The following WASF3 variants were observed in gnomAD, a reference collection of about 807,000 sequenced individuals.
WASF3 encodes actin-binding protein WASF3.
WASF3 carries 11 observed loss-of-function variants against 46.6 expected under a neutral mutation model. The observed-to-expected ratio is 0.24, with a 90% CI of 0.15 to 0.39. The LOEUF (loss-of-function observed/expected upper bound fraction) is 0.39, where lower values mean the gene tolerates loss of function less well. WASF3 is among the 10% of genes least tolerant of loss of function. The pLI is 1.00. For missense variants in WASF3, 576 were observed against 669.8 expected (o/e 0.86, Z 1.55); for synonymous variants, 242 against 259.7 (o/e 0.93, Z 0.65).
upstream of WASF3, among the ~76,000 whole-genome samples, chr13:26,555,630 C>T (rs1879081344): frequency 6.6e-6 from 1 of 152,140 alleles, no homozygotes; most frequent in Non-Finnish European, 1.5e-5. Context: ...TGATGCAATG[C>T]TTACAAGGGA....
At position 26,687,685 on chromosome 13, in the gene WASF3, T is replaced by C. The variant is rs1386815411; in HGVS notation, c.*1840T>C. 1.3e-5 allele frequency: 2 copies of C among 151,820 alleles called. No homozygotes were observed. The highest frequency in any genetic ancestry group is 4.8e-5 in the African/African-American group (2 of 41,346). 9.4% of individuals were successfully genotyped at this position (151,820 alleles called of 1,614,324 possible). ...ATTCCTTGAATATAAGTAACAGTTA[T>C]TAATGAACTTCTAAATTTCTAATTT... On this transcript the variant is annotated 3_prime_UTR_variant, in exon 10 of 10. Coordinates refer to ENST00000335327, the MANE Select transcript of WASF3 (RefSeq NM_006646.6).
intron 2 of WASF3, among the ~76,000 whole-genome samples, chr13:26,632,341 G>A (rs944047133): frequency 8.5e-5 from 13 of 152,228 alleles, no homozygotes; most frequent in East Asian, 1.9e-4. Flanking sequence ...TTTGAGGTAC[G>A]TTTCATCAAT....
chr13:26,555,292 G>T (rs1879073780), upstream of WASF3, among the ~76,000 whole-genome samples: 1 of 152,010 alleles, frequency 6.6e-6, no homozygotes. Context: ...AAAAAAGTGG[G>T]TCTTATGAAT....
At position 26,682,522 on chromosome 13, in the gene WASF3, G is replaced by A; in HGVS notation, c.984-85G>A. The A allele has an allele frequency of 6.5e-7, 1 of 1,529,696 alleles. No individual in the cohort carries two copies. Among genetic ancestry groups the A allele is most frequent in the Non-Finnish European group, 9.0e-7 (1 of 1,117,196 alleles). The allele number at this position is 1,529,696 out of a possible 1,614,324, so 94.8% of individuals were successfully genotyped here. ...GGTGACAATACGTGTTGTGTCTGGG[G>A]ATGGCTCCGTTAGGTGTCTAAGAGC... On this transcript the variant is annotated intron_variant, in intron 8 of 9. Transcript: ENST00000335327. This position sits in a 1 kb window ranked among gnomAD's most constrained non-coding sequence, Gnocchi z 4.4.
intron 1 of WASF3, chr13:26,609,283 A>T (rs1880898411): frequency 6.6e-6 from 1 of 152,198 alleles, no homozygotes; most frequent in Non-Finnish European, 1.5e-5. Flanking sequence ...GCCCTATAGT[A>T]CAGAATGAGG....
At chr13:26,655,980 A>AT (rs1882453814) in intron 3 of WASF3, among the ~76,000 whole-genome samples, 1 of 152,166 alleles carries the variant, frequency 6.6e-6, no homozygotes, top group Non-Finnish European at 1.5e-5. Flanking sequence ...AAGAAGCTTG[A>AT]TTCCTTTTAG....
chr13:26,644,852 C>T (rs920966219), intron 3 of WASF3, among the ~76,000 whole-genome samples: 16 of 152,066 alleles, frequency 1.1e-4, no homozygotes, highest in African/African-American at 3.4e-4. Context: ...AGAACATGAG[C>T]GAGACCGCAA....
intron 3 of WASF3, among the ~76,000 whole-genome samples, chr13:26,644,573 C>T (rs542508692): frequency 1.3e-5 from 2 of 152,262 alleles, no homozygotes; most frequent in South Asian, 2.1e-4. Context: ...TTCCGGTAAG[C>T]ACCAGAGATG....
chr13:26,554,596 A>G (rs118167992), upstream of WASF3, among the ~76,000 whole-genome samples: 50 of 152,326 alleles, frequency 3.3e-4, no homozygotes, highest in Non-Finnish European at 5.7e-4. Flanking sequence ...TCTGTTAACT[A>G]TGGTTCCTAC....
intron 1 of WASF3, among the ~76,000 whole-genome samples, chr13:26,612,114 G>A (rs993204763): frequency 1.3e-5 from 2 of 152,122 alleles, no homozygotes; most frequent in Non-Finnish European, 2.9e-5. Context: ...CGTCTACCTT[G>A]TATTAAAATT....
chr13:26,682,562 C>T lies in WASF3; in HGVS notation c.984-45C>T, dbSNP rs777023404. Reference sequence around the variant, plus strand: ...TGTCTAAGAGCTCCCAGGACGTGACCCTCTCTTGTTCCCTTGGTGACTATG... The same window carrying T: ...TGTCTAAGAGCTCCCAGGACGTGACTCTCTCTTGTTCCCTTGGTGACTATG... On this transcript the variant is annotated intron_variant, in intron 8 of 9. Transcript: ENST00000335327. This position sits in a 1 kb window ranked among gnomAD's most constrained non-coding sequence, Gnocchi z 4.4. 1.2e-6 allele frequency: 2 copies of T among 1,611,906 alleles called. No homozygotes were observed. Among genetic ancestry groups the T allele is most frequent in the Non-Finnish European group, 1.7e-6 (2 of 1,179,378 alleles).
At position 26,682,814 on chromosome 13, in the gene WASF3, C is replaced by CCCGGGCCCACCACCTCCCCCG. The variant is rs1566075405; in HGVS notation, c.1194_1214dup (p.Pro402_Pro408dup). The CCCGGGCCCACCACCTCCCCCG allele has an allele frequency of 6.2e-7, 1 of 1,610,600 alleles. No individual in the cohort carries two copies. The highest frequency in any genetic ancestry group is 2.2e-5 in the East Asian group (1 of 44,854). On this transcript the variant is annotated inframe_insertion, in exon 9 of 10. Transcript: ENST00000335327. This position sits in a 1 kb window ranked among gnomAD's most constrained non-coding sequence, Gnocchi z 4.4. ...GGCTCCTGGTCACAGCCCCGCCACC[C>CCCGGGCCCACCACCTCCCCCG]CCGGGCCCACCACCTCCCCCGCCAG...
intron 2 of WASF3, among the ~76,000 whole-genome samples, chr13:26,633,295 C>T (rs1356185770): frequency 6.1e-5 from 9 of 148,400 alleles, no homozygotes; most frequent in South Asian, 2.2e-4. Flanking sequence ...CTCTGCCTCC[C>T]GGGTTCAAGC....
intron 3 of WASF3, among the ~76,000 whole-genome samples, chr13:26,648,762 G>T (rs1309294659): frequency 6.6e-6 from 1 of 152,154 alleles, no homozygotes; most frequent in Non-Finnish European, 1.5e-5. Flanking sequence ...GCCAGTGCAG[G>T]TAGGTAAAAA....
chr13:26,610,933 G>A (rs1024425940), intron 1 of WASF3, among the ~76,000 whole-genome samples: 2 of 151,492 alleles, frequency 1.3e-5, no homozygotes, highest in African/African-American at 4.8e-5. Context: ...TATGGTTCTT[G>A]ACTTATGTTA....
chr13:26,547,615 C>T, the WASF3 span, among the ~76,000 whole-genome samples: 11 of 152,154 alleles, frequency 7.2e-5, no homozygotes, highest in African/African-American at 2.2e-4. Context: ...CTTGAGAAGA[C>T]TTCTTCAATC....
At chr13:26,661,871 A>C (rs777863039) in intron 3 of WASF3, among the ~76,000 whole-genome samples, 18 of 152,218 alleles carry the variant, frequency 1.2e-4, no homozygotes, top group Non-Finnish European at 1.9e-4. Context: ...AAATGATTGA[A>C]ATCATGGCAG....
chr13:26,634,409 C>T (rs1232070243), intron 2 of WASF3, among the ~76,000 whole-genome samples: 1 of 152,178 alleles, frequency 6.6e-6, no homozygotes, highest in Non-Finnish European at 1.5e-5. Flanking sequence ...CTCCTGAATA[C>T]AGCACACTGA....
intron 3 of WASF3, among the ~76,000 whole-genome samples, chr13:26,660,740 T>A (rs1201483190): frequency 2.6e-5 from 4 of 152,138 alleles, no homozygotes; most frequent in Admixed American, 6.5e-5. Context: ...AACATTAAAT[T>A]TACCTTAACA....
Sources: gnomAD v4.1 joint callset for allele counts (sites outside exome capture counted in the v4.1 genomes callset) on GRCh38, gnomAD v4.1.1 for gene constraint, Gnocchi (gnomAD v3.1) non-coding constraint, MANE v1.5 for transcripts, NCBI Gene and HGNC (gene_info 2026-07-23, HGNC 2026-07-21) for gene names.